The following TYR variants were observed in gnomAD, a reference collection of about 807,000 sequenced individuals.
TYR encodes the protein LB24-AB.
Under a neutral mutation model 51.5 loss-of-function variants are expected in TYR, and 58 were observed. The observed-to-expected ratio is 1.13, with a 90% CI of 0.91 to 1.40. TYR has a LOEUF of 1.40. Ranked by LOEUF, TYR falls within the 40% of genes most tolerant of loss-of-function variation. The pLI, the probability that TYR is intolerant of heterozygous loss-of-function variation, is 0.00. For missense variants in TYR, 732 were observed against 647.4 expected (o/e 1.13, Z -1.42); for synonymous variants, 263 against 235.2 (o/e 1.12, Z -1.08).
In TYR at chr11:89,206,681, T is replaced by G. The variant is rs182530474; in HGVS notation, c.1036+15263T>G. On this transcript the variant is annotated intron_variant, in intron 2 of 4. Coordinates refer to ENST00000263321, the MANE Select transcript of TYR (RefSeq NM_000372.5). ...TTCAATAACAACAACAAAAAATATT[T>G]ATTTGAAGTGCTGATAAAACATATG... Among the ~76,000 whole-genome samples, 224 of 152,118 alleles carry G rather than the reference T, an allele frequency of 1.5e-3. 2 individuals carry two copies. Among genetic ancestry groups the G allele is most frequent in the African/African-American group, 5.3e-3 (218 of 41,494 alleles).
At chr11:89,289,011 AC>A (rs932230915) in intron 4 of TYR, among the ~76,000 whole-genome samples, 1 of 152,036 alleles carries the variant, frequency 6.6e-6, no homozygotes, top group African/African-American at 2.4e-5. Flanking sequence ...CATTTATCAA[AC>A]TTTTTCTCTT....
chr11:89,185,487 T>C (rs902059525), intron 1 of TYR, among the ~76,000 whole-genome samples: 11 of 152,174 alleles, frequency 7.2e-5, no homozygotes, highest in African/African-American at 2.7e-4. Flanking sequence ...GAAACTGTAC[T>C]AGATTCTGAG....
chr11:89,253,533 C>G (rs1944354311), intron 3 of TYR, among the ~76,000 whole-genome samples: 1 of 151,722 alleles, frequency 6.6e-6, no homozygotes, highest in Non-Finnish European at 1.5e-5. Flanking sequence ...AGGTCTTTCA[C>G]CTCGTTGGTT....
intron 4 of TYR, among the ~76,000 whole-genome samples, chr11:89,290,882 A>T (rs187678908): frequency 1.4e-4 from 22 of 152,130 alleles, no homozygotes; most frequent in African/African-American, 4.8e-4. Context: ...TATATGCATT[A>T]TAGAGAGCAT....
chr11:89,252,419 G>T (rs1180885041), intron 3 of TYR, among the ~76,000 whole-genome samples: 2 of 151,624 alleles, frequency 1.3e-5, no homozygotes, highest in Middle Eastern at 3.2e-3. Context: ...TAATGGGGCA[G>T]AAATGAAAGA....
chr11:89,284,999 C>T (rs1015874291), intron 4 of TYR, 45 bp downstream of exon 4: 4 of 1,541,918 alleles, frequency 2.6e-6, no homozygotes, highest in African/African-American at 1.4e-5. Context: ...TCTAGTGTTA[C>T]CAATTTATTT....
chr11:89,293,209 T>C (rs1203826861), intron 4 of TYR, among the ~76,000 whole-genome samples: 1 of 152,096 alleles, frequency 6.6e-6, no homozygotes, highest in Non-Finnish European at 1.5e-5. Flanking sequence ...TGAATTTAAT[T>C]TGATGTGATT....
At chr11:89,217,951 T>G (rs1212274790) in intron 2 of TYR, among the ~76,000 whole-genome samples, 1 of 152,196 alleles carries the variant, frequency 6.6e-6, no homozygotes, top group Non-Finnish European at 1.5e-5. Flanking sequence ...GTTTTATGGG[T>G]GAATAGTTAT....
In TYR at chr11:89,249,315, A is replaced by G. The variant is rs1162709250; in HGVS notation, c.1184+21345A>G. Among the ~76,000 whole-genome samples the G allele has an allele frequency of 2.0e-5, 3 of 152,016 alleles. No homozygotes were observed. The South Asian group carries it at 6.2e-4, about 32-fold the overall frequency. ...GGAGTGAATGAGGTCACAGAAATTG[A>G]GTATAAACACAGAAGAAAAGGAAGC... is the stretch of plus-strand genomic sequence containing the variant. On this transcript the variant is annotated intron_variant, in intron 3 of 4. Transcript: ENST00000263321.
At chr11:89,250,476 A>G (rs1944317732) in intron 3 of TYR, among the ~76,000 whole-genome samples, 1 of 152,076 alleles carries the variant, frequency 6.6e-6, no homozygotes, top group Admixed American at 6.6e-5. Context: ...TATCAAAAAC[A>G]TTATTTATAG....
At chr11:89,198,463 C>G (rs1167487118) in intron 2 of TYR, among the ~76,000 whole-genome samples, 1 of 151,794 alleles carries the variant, frequency 6.6e-6, no homozygotes, top group Non-Finnish European at 1.5e-5. Context: ...CCAGGAAAAC[C>G]TTTCCGGGCC....
chr11:89,180,726 G>C (rs934674843), intron 1 of TYR, among the ~76,000 whole-genome samples: 3 of 152,150 alleles, frequency 2.0e-5, no homozygotes, highest in Non-Finnish European at 4.4e-5. Flanking sequence ...CACAGTTTAA[G>C]AAAGGTGAAA....
In TYR at chr11:89,195,021, C is replaced by T. The variant is rs184557325; in HGVS notation, c.1036+3603C>T. ...CACCAGAGAGACACATTTTATCTCACATCATGAATAGGACAGGGATGTGGG... is the reference window on the plus strand; with the variant it reads ...CACCAGAGAGACACATTTTATCTCATATCATGAATAGGACAGGGATGTGGG... On this transcript the variant is annotated intron_variant, in intron 2 of 4. Coordinates refer to ENST00000263321, the MANE Select transcript of TYR (RefSeq NM_000372.5). Among the ~76,000 whole-genome samples, 28 of 152,272 alleles carry T rather than the reference C, an allele frequency of 1.8e-4. No homozygotes were observed. The East Asian group carries it at 4.6e-3, about 25-fold the overall frequency.
intron 2 of TYR, among the ~76,000 whole-genome samples, chr11:89,202,113 G>C (rs758930179): frequency 1.0e-4 from 15 of 149,272 alleles, no homozygotes; most frequent in Non-Finnish European, 1.8e-4. Context: ...TGTGTGTGGA[G>C]ATATAGATAT....
chr11:89,265,157 C>T (rs1944510912), intron 3 of TYR, among the ~76,000 whole-genome samples: 2 of 152,000 alleles, frequency 1.3e-5, no homozygotes, highest in South Asian at 4.1e-4. Context: ...ATTGGACCCT[C>T]ACTGATGCTT....
intron 2 of TYR, among the ~76,000 whole-genome samples, chr11:89,198,754 C>CATATATAT (rs144458836): frequency 0.069 from 10,083 of 146,256 alleles, 488 homozygotes; most frequent in African/African-American, 0.13. Flanking sequence ...ACTTTTTTCT[C>CATATATAT]ATATATATAT....
At chr11:89,294,593 A>C (rs1944886057) in intron 4 of TYR, among the ~76,000 whole-genome samples, 1 of 152,224 alleles carries the variant, frequency 6.6e-6, no homozygotes, top group South Asian at 2.1e-4. Flanking sequence ...CCGAAGCCTT[A>C]GGACAGAGGG....
At chr11:89,287,359 A>G (rs571235866) in intron 4 of TYR, among the ~76,000 whole-genome samples, 4 of 152,044 alleles carry the variant, frequency 2.6e-5, no homozygotes, top group East Asian at 1.9e-4. Flanking sequence ...TTAAAACACT[A>G]TAAGTATTCT....
chr11:89,230,187 T>G (rs2135283563), intron 3 of TYR, among the ~76,000 whole-genome samples: 1 of 152,212 alleles, frequency 6.6e-6, no homozygotes, highest in East Asian at 1.9e-4. Context: ...AAAGAAGATT[T>G]ATTGTTCATT....
Sources: allele counts gnomAD v4.1 joint callset (sites outside exome capture counted in the v4.1 genomes callset), GRCh38; gene constraint gnomAD v4.1.1; transcripts MANE v1.5; gene names NCBI Gene and HGNC (gene_info 2026-07-23, HGNC 2026-07-21).